The following SUCLG1 variants were observed in gnomAD, a reference collection of about 807,000 sequenced individuals.
SUCLG1 encodes succinate-CoA ligase GDP/ADP-forming subunit alpha, also known as succinate--CoA ligase [ADP/GDP-forming] subunit alpha, mitochondrial.
Under a neutral mutation model 37.3 loss-of-function variants are expected in SUCLG1, and 26 were observed. That is an observed-to-expected ratio of 0.70 (90% CI 0.51 to 0.97). The LOEUF is 0.97. Ranked by LOEUF, SUCLG1 falls within the 50% of genes least tolerant of loss-of-function variation. The probability of loss-of-function intolerance (pLI) is 0.00; values close to 1 mark genes in which losing one functional copy is unlikely to be tolerated. For missense variants in SUCLG1, 433 were observed against 432.9 expected (o/e 1.00, Z 0.00); for synonymous variants, 163 against 155.6 (o/e 1.05, Z -0.36).
At chr2:84,425,894 G>A (rs1226614164) in intron 7 of SUCLG1, 1 of 420,284 alleles carries the variant, frequency 2.4e-6, no homozygotes, top group Non-Finnish European at 4.4e-6. Context: ...AAAAGTAAAA[G>A]AGCATACTGG....
At chr2:84,427,877 T>C (rs980206095) in intron 7 of SUCLG1, among the ~76,000 whole-genome samples, 1 of 152,242 alleles carries the variant, frequency 6.6e-6, no homozygotes, top group Non-Finnish European at 1.5e-5. Flanking sequence ...ATAAAATTAA[T>C]AATTTGCATT....
intron 1 of SUCLG1, among the ~76,000 whole-genome samples, chr2:84,456,773 C>T (rs190987403): frequency 2.5e-3 from 378 of 152,262 alleles, no homozygotes; most frequent in African/African-American, 8.6e-3. Context: ...AAGCAATTCT[C>T]CTGCCTTAGC....
chr2:84,454,695 G>C (rs528987531), intron 1 of SUCLG1, among the ~76,000 whole-genome samples: 14 of 152,328 alleles, frequency 9.2e-5, no homozygotes, highest in African/African-American at 3.4e-4. Flanking sequence ...TAATCTGAGA[G>C]AGATGTGTTT....
At chr2:84,445,016 A>G (rs1478007259) in intron 2 of SUCLG1, among the ~76,000 whole-genome samples, 1 of 152,188 alleles carries the variant, frequency 6.6e-6, no homozygotes, top group African/African-American at 2.4e-5. Context: ...TGTGCAGTTA[A>G]TGCAATCATC....
intron 3 of SUCLG1, 32 bp from the exon 4 acceptor site, chr2:84,441,491 T>G (rs1285317523): frequency 1.2e-6 from 2 of 1,601,092 alleles, no homozygotes; most frequent in African/African-American, 2.7e-5. Context: ...ACCTTATTAT[T>G]TGTTAAATCA....
At chr2:84,437,935 A>C (rs1672712083) in intron 5 of SUCLG1, among the ~76,000 whole-genome samples, 1 of 152,244 alleles carries the variant, frequency 6.6e-6, no homozygotes, top group Non-Finnish European at 1.5e-5. Flanking sequence ...CTAGAGACTT[A>C]TTCTGACTAT....
Position 84,441,232 on chromosome 2 carries a change from T to C in SUCLG1, c.531+15A>G, listed in dbSNP as rs369591174. 8.1e-6 allele frequency: 13 copies of C among 1,613,688 alleles called. No homozygotes were observed. Among genetic ancestry groups the C allele is most frequent in the Non-Finnish European group, 1.1e-5 (13 of 1,179,872 alleles). On this transcript the variant is annotated intron_variant, in intron 4 of 8. Coordinates refer to ENST00000393868, the MANE Select transcript of SUCLG1 (RefSeq NM_003849.4). The stretch of plus-strand genomic sequence containing the variant: ...GAGGCTTAATCTGAGTTTCTTTTTG[T>C]TTTTTTGCACTCACATTGATGACTC...
intron 8 of SUCLG1, among the ~76,000 whole-genome samples, chr2:84,424,376 A>G (rs1445833017): frequency 6.6e-6 from 1 of 152,204 alleles, no homozygotes; most frequent in Non-Finnish European, 1.5e-5. Context: ...GGTAACACAC[A>G]TCTCCAATGT....
chr2:84,458,460 G>A (rs990354116), intron 1 of SUCLG1: 1 of 152,238 alleles, frequency 6.6e-6, no homozygotes, highest in African/African-American at 2.4e-5. Flanking sequence ...TACCTGACAA[G>A]CACAGAGACT....
At chr2:84,449,580 A>G in intron 2 of SUCLG1, 69 bp downstream of exon 2, 1 of 1,086,308 alleles carries the variant, frequency 9.2e-7, no homozygotes, top group Middle Eastern at 2.9e-4. Flanking sequence ...GAGATATTAA[A>G]AATAAAAAAA....
chr2:84,453,443 T>C (rs1447669604), intron 1 of SUCLG1, among the ~76,000 whole-genome samples: 1 of 151,950 alleles, frequency 6.6e-6, no homozygotes, highest in Non-Finnish European at 1.5e-5. Context: ...GAGACGTTGT[T>C]TTACTCTGCA....
chr2:84,433,207 T>A (rs1017268115), intron 6 of SUCLG1, 145 bp downstream of exon 6: 1 of 779,768 alleles, frequency 1.3e-6, no homozygotes, highest in African/African-American at 1.7e-5. Context: ...AACTTTACAC[T>A]TAAGCAAATT....
At position 84,428,004 on chromosome 2, in the gene SUCLG1, G is replaced by A. The variant is rs183331276; in HGVS notation, c.826-2401C>T. On this transcript the variant is annotated intron_variant, in intron 7 of 8. Transcript: ENST00000393868. ...GACTGACTGCCCTGATTCCCACTAA[G>A]ATGCAGCATGCAAGGAGCTACATGG... Among the ~76,000 whole-genome samples the A allele has an allele frequency of 2.2e-4, 34 of 152,270 alleles. 1 individual carries two copies. The East Asian group carries it at 6.6e-3, about 29-fold the overall frequency.
intron 5 of SUCLG1, among the ~76,000 whole-genome samples, chr2:84,439,493 G>A (rs1215703853): frequency 6.6e-6 from 1 of 152,138 alleles, no homozygotes; most frequent in African/African-American, 2.4e-5. Flanking sequence ...TGGCCCCACT[G>A]GAACTCAGAT....
In SUCLG1 at chr2:84,427,728, A is replaced by G. The variant is rs1406224940; in HGVS notation, c.826-2125T>C. Among the ~76,000 whole-genome samples the G allele has an allele frequency of 2.0e-5, 3 of 152,214 alleles. 1 individual carries two copies. The East Asian group carries it at 5.8e-4, about 29-fold the overall frequency. ...TATTGAGAAGAGATCTGTCTGAATT[A>G]CCAGTTCGTCTGCCAGTCATTCTTT... On this transcript the variant is annotated intron_variant, in intron 7 of 8. Coordinates refer to ENST00000393868, the MANE Select transcript of SUCLG1 (RefSeq NM_003849.4).
chr2:84,459,020 G>A (rs1673095114), intron 1 of SUCLG1, among the ~76,000 whole-genome samples, 153 bp downstream of exon 1: 1 of 152,212 alleles, frequency 6.6e-6, no homozygotes, highest in Admixed American at 6.5e-5. Flanking sequence ...TTCCACCGTA[G>A]GGGTCCCCGA....
At position 84,459,277 on chromosome 2, in the gene SUCLG1, T is replaced by A; in HGVS notation, c.-8A>T. ...GGCAAGGGTTGCGGTCATACGCCAA[T>A]GACACTCCCAGGCCCCCGGGGACCT... On this transcript the variant is annotated 5_prime_UTR_variant, in exon 1 of 9. Coordinates refer to ENST00000393868, the MANE Select transcript of SUCLG1 (RefSeq NM_003849.4). 1.3e-5 allele frequency: 20 copies of A among 1,550,136 alleles called. No individual in the cohort carries two copies. Among genetic ancestry groups the A allele is most frequent in the Non-Finnish European group, 1.7e-5 (20 of 1,146,546 alleles).
At chr2:84,439,779 C>T (rs1227811579) in intron 5 of SUCLG1, among the ~76,000 whole-genome samples, 1 of 152,156 alleles carries the variant, frequency 6.6e-6, no homozygotes, top group Non-Finnish European at 1.5e-5. Flanking sequence ...AAACACAAGC[C>T]TAATGTGGCT....
rs539668990 is a variant in SUCLG1 at position 84,445,266 on chromosome 2, G to A, written c.202-1866C>T. Among the ~76,000 whole-genome samples the A allele has an allele frequency of 3.9e-5, 6 of 152,260 alleles. No individual in the cohort carries two copies. The South Asian group carries it at 1.2e-3, about 32-fold the overall frequency. ...AAATCTTCACAATTTATGTTCTTCT[G>A]CCGTGGCTTCAGCCGGTCCCTCCGT... is the stretch of plus-strand genomic sequence containing the variant. On this transcript the variant is annotated intron_variant, in intron 2 of 8. Transcript: ENST00000393868.
Sources: allele counts gnomAD v4.1 joint callset (sites outside exome capture counted in the v4.1 genomes callset), GRCh38; gene constraint gnomAD v4.1.1; transcripts MANE v1.5; gene names NCBI Gene and HGNC (gene_info 2026-07-23, HGNC 2026-07-21).